Variants in TAF4 observed in about 807,000 individuals in gnomAD.
TAF4 encodes the protein transcription initiation factor TFIID subunit 4.
Under a neutral mutation model 90.3 loss-of-function variants are expected in TAF4, and 9 were observed. The ratio of observed to expected loss-of-function variants is 0.10; its 90% CI spans 0.06 to 0.17. The LOEUF (loss-of-function observed/expected upper bound fraction) is 0.17, where lower values mean the gene tolerates loss of function less well. TAF4 is among the 10% of genes least tolerant of loss of function. The probability of loss-of-function intolerance (pLI) is 1.00; values close to 1 mark genes in which losing one functional copy is unlikely to be tolerated. For synonymous variants in TAF4, 818 were observed against 638.9 expected (o/e 1.28, Z -4.23); for missense variants, 1,351 against 1,370.7 (o/e 0.99, Z 0.23).
chr20:61,992,215 G>A (rs2123112746), intron 14 of TAF4, among the ~76,000 whole-genome samples: 1 of 152,268 alleles, frequency 6.6e-6, no homozygotes, highest in Middle Eastern at 3.4e-3. Flanking sequence ...AGGGCGAAAG[G>A]GAGAGCTTAT....
Position 61,998,204 on chromosome 20 carries a change from A to G in TAF4, c.2914-12T>C. 1 of 1,611,482 alleles carries G rather than the reference A, an allele frequency of 6.2e-7. No individual in the cohort carries two copies. Among genetic ancestry groups the G allele is most frequent in the Non-Finnish European group, 8.5e-7 (1 of 1,179,336 alleles). On this transcript the variant is annotated splice_polypyrimidine_tract_variant and intron_variant, in intron 12 of 14. Coordinates refer to ENST00000252996, the MANE Select transcript of TAF4 (RefSeq NM_003185.4). ...TGTCTTGACCGAGACTATTTTTGAA[A>G]GAGGCAGAAAAGAAAAGTAAGTTAT...
At chr20:61,998,560 G>A (rs1356585271) in intron 12 of TAF4, among the ~76,000 whole-genome samples, 1 of 152,138 alleles carries the variant, frequency 6.6e-6, no homozygotes, top group Non-Finnish European at 1.5e-5. Context: ...ATCAAAGCAA[G>A]TGCTCCTCCC....
At chr20:61,997,430 G>A (rs561200710) in intron 14 of TAF4, 120 bp downstream of exon 14, 2 of 1,251,508 alleles carry the variant, frequency 1.6e-6, no homozygotes, top group Non-Finnish European at 2.1e-6. Flanking sequence ...GAAAAGGTGA[G>A]ACAAAATGTA....
At chr20:62,012,604 A>G (rs374527281) in intron 3 of TAF4, 72 of 604,876 alleles carry the variant, frequency 1.2e-4, no homozygotes, top group African/African-American at 1.0e-3. Context: ...GTGTGACTAA[A>G]AAAAAGAAAA....
intron 1 of TAF4, among the ~76,000 whole-genome samples, chr20:62,027,626 G>A (rs995136163): frequency 6.6e-6 from 1 of 152,052 alleles, no homozygotes; most frequent in Non-Finnish European, 1.5e-5. Flanking sequence ...CATACTACTG[G>A]AACTGTGTCA....
chr20:61,995,732 G>A (rs2055659323), intron 14 of TAF4, among the ~76,000 whole-genome samples: 1 of 65,432 alleles, frequency 1.5e-5, no homozygotes, highest in African/African-American at 7.9e-5. Flanking sequence ...GCGCGGTGGC[G>A]GGCGCCTGTA....
intron 7 of TAF4, among the ~76,000 whole-genome samples, chr20:62,004,328 C>CTTTTCTTTTTT (rs750655697): frequency 8.5e-6 from 1 of 117,198 alleles, no homozygotes. Context: ...CTTTTCTTTT[C>CTTTTCTTTTTT]TTTTTTTTTT....
chr20:61,984,756 G>A lies in TAF4; in HGVS notation c.3091-8421C>T, dbSNP rs117807325. Among the ~76,000 whole-genome samples, 301 of 150,188 alleles carry A rather than the reference G, an allele frequency of 2.0e-3. 14 individuals carry two copies. In the East Asian group the frequency reaches 0.05, roughly 25 times the overall value. ...GGGAACTCTGTCAGCTGCAGAGAGC[G>A]AGAGACTGTCACTGACCTGTGCTGC... On this transcript the variant is annotated intron_variant, in intron 14 of 14. Transcript: ENST00000252996.
chr20:61,989,085 C>T (rs940302594), intron 14 of TAF4, among the ~76,000 whole-genome samples: 4 of 152,136 alleles, frequency 2.6e-5, no homozygotes, highest in South Asian at 2.1e-4. Flanking sequence ...AGGATGGGGG[C>T]GGCTAAACGG....
chr20:61,983,997 C>G (rs985544697), intron 14 of TAF4, among the ~76,000 whole-genome samples: 1 of 152,140 alleles, frequency 6.6e-6, no homozygotes, highest in African/African-American at 2.4e-5. Context: ...TATTTATGCA[C>G]CAAACAACAC....
At chr20:62,052,085 C>T (rs113404600) in intron 1 of TAF4, among the ~76,000 whole-genome samples, 2 of 152,144 alleles carry the variant, frequency 1.3e-5, no homozygotes, top group African/African-American at 4.8e-5. Context: ...CCTGCATCCC[C>T]GCAGCACAGC....
At chr20:61,991,445 A>G (rs866000299) in intron 14 of TAF4, among the ~76,000 whole-genome samples, 7 of 151,038 alleles carry the variant, frequency 4.6e-5, no homozygotes, top group Admixed American at 2.6e-4. Context: ...ATTAAAAAAA[A>G]AGAGAGAGAG....
intron 14 of TAF4, among the ~76,000 whole-genome samples, chr20:61,977,204 C>T (rs1431534207): frequency 1.4e-5 from 2 of 144,202 alleles, no homozygotes; most frequent in Admixed American, 6.9e-5. Flanking sequence ...CAGCGGGGCG[C>T]GCGCCACACA....
At chr20:62,007,857 C>T (rs2055756130) in intron 5 of TAF4, 2 of 468,242 alleles carry the variant, frequency 4.3e-6, no homozygotes, top group Non-Finnish European at 7.6e-6. Flanking sequence ...CACGTCTCCT[C>T]CTGGGAGGGT....
intron 13 of TAF4, 23 bp from the exon 14 acceptor site, chr20:61,997,692 A>C: frequency 6.2e-7 from 1 of 1,604,190 alleles, no homozygotes; most frequent in Non-Finnish European, 8.5e-7. Flanking sequence ...AAAGGAGACA[A>C]GGAGCATCAT....
At chr20:62,034,158 C>T (rs1039515172) in intron 1 of TAF4, among the ~76,000 whole-genome samples, 4 of 152,066 alleles carry the variant, frequency 2.6e-5, no homozygotes, top group South Asian at 2.1e-4. Flanking sequence ...AAGCACAGGA[C>T]GTCAGTGAAA....
chr20:62,064,430 C>T (rs759993068), intron 1 of TAF4, 21 bp downstream of exon 1: 24 of 1,335,052 alleles, frequency 1.8e-5, no homozygotes, highest in Non-Finnish European at 8.7e-6. Flanking sequence ...CCCTTCCCTC[C>T]CGCCCCGTGC....
Position 62,038,249 on chromosome 20 carries a change from G to T in TAF4, c.1361-23542C>A, listed in dbSNP as rs910266191. 2.6e-5 allele frequency among the ~76,000 whole-genome samples: 4 copies of T among 151,262 alleles called. No homozygotes were observed. The East Asian group carries it at 7.8e-4, about 29-fold the overall frequency. On this transcript the variant is annotated intron_variant, in intron 1 of 14. Coordinates refer to ENST00000252996, the MANE Select transcript of TAF4 (RefSeq NM_003185.4). ...TCACAGTGTTAGCCAGGATGGTGTC[G>T]ATCTCCTGACCTCGTGATCCACCAG...
In TAF4 at chr20:62,052,666, CA is replaced by C. The variant is rs563884917; in HGVS notation, c.1360+11784del. ...CTTGAACACCACCGTCCCCACATTG[CA>C]CCCCTATGTGAACTGCAGGCTCACG... On this transcript the variant is annotated intron_variant, in intron 1 of 14. Transcript: ENST00000252996. Among the ~76,000 whole-genome samples the C allele has an allele frequency of 7.9e-3, 1,193 of 151,218 alleles. 24 individuals are homozygous for C. Among genetic ancestry groups the C allele is most frequent in the African/African-American group, 0.027 (1,090 of 40,914 alleles).
Sources: gnomAD v4.1 joint callset for allele counts (sites outside exome capture counted in the v4.1 genomes callset) on GRCh38, gnomAD v4.1.1 for gene constraint, MANE v1.5 for transcripts, NCBI Gene and HGNC (gene_info 2026-07-23, HGNC 2026-07-21) for gene names.